REEP1: variants seen among roughly 807,000 people sequenced by gnomAD.
REEP1 encodes receptor accessory protein 1.
REEP1 carries 22 observed loss-of-function variants against 40.3 expected under a neutral mutation model. That is an observed-to-expected ratio of 0.55 (90% CI 0.39 to 0.78). The LOEUF is 0.78. Ranked by LOEUF, REEP1 falls within the 30% of genes least tolerant of loss-of-function variation. The pLI is 0.00. For synonymous variants in REEP1, 116 were observed against 139.2 expected (o/e 0.83, Z 1.17); for missense variants, 280 against 361.1 (o/e 0.78, Z 1.82).
intron 1 of REEP1, among the ~76,000 whole-genome samples, chr2:86,294,786 C>T (rs1446150223): frequency 6.7e-6 from 1 of 149,678 alleles, no homozygotes; most frequent in Non-Finnish European, 1.5e-5. Context: ...TAACTTGTTC[C>T]AGAAAGGATC....
chr2:86,216,874 A>G lies in REEP1; in HGVS notation c.*165T>C, dbSNP rs759859608. 1.0e-5 allele frequency: 6 copies of G among 597,102 alleles called. No homozygotes were observed. The highest frequency in any genetic ancestry group is 1.2e-5 in the Non-Finnish European group (4 of 339,830). 37.0% of individuals were successfully genotyped at this position (597,102 alleles called of 1,614,324 possible). The stretch of plus-strand genomic sequence containing the variant: ...CCCCAGCAAAATAAAGAAAAGGGGG[A>G]AAAAAATAAATCCTTAAAAGTGGAA... On this transcript the variant is annotated 3_prime_UTR_variant, in exon 9 of 9. Transcript: ENST00000538924.
chr2:86,303,223 T>C (rs1679335215), intron 1 of REEP1, among the ~76,000 whole-genome samples: 1 of 144,948 alleles, frequency 6.9e-6, no homozygotes, highest in Non-Finnish European at 1.5e-5. Context: ...TTTTTTTTTT[T>C]TTTTTTTTTT....
At chr2:86,249,355 G>A (rs554409738) in intron 5 of REEP1, among the ~76,000 whole-genome samples, 3 of 151,856 alleles carry the variant, frequency 2.0e-5, no homozygotes, top group East Asian at 3.9e-4. Context: ...CCCCCTCCCC[G>A]CTGCCCGGTT....
At chr2:86,332,114 G>T (rs1680796770) in intron 1 of REEP1, among the ~76,000 whole-genome samples, 1 of 152,058 alleles carries the variant, frequency 6.6e-6, no homozygotes, top group African/African-American at 2.4e-5. Flanking sequence ...TGAAAATAAT[G>T]TGCTTCTGTA....
At chr2:86,229,598 CTTTTTTTTTTTTTT>C (rs70956106) in intron 6 of REEP1, among the ~76,000 whole-genome samples, 1 of 114,442 alleles carries the variant, frequency 8.7e-6, no homozygotes, top group Non-Finnish European at 1.7e-5. Flanking sequence ...ACCTGTCTTC[CTTTTTTTTTTTTTT>C]TTTTTTTTTT....
At chr2:86,319,545 A>C (rs990519103) in intron 1 of REEP1, among the ~76,000 whole-genome samples, 4 of 152,128 alleles carry the variant, frequency 2.6e-5, no homozygotes, top group African/African-American at 9.7e-5. Context: ...AAATACAAAA[A>C]TTAGCTGGGC....
chr2:86,303,976 T>C (rs1292549315), intron 1 of REEP1, among the ~76,000 whole-genome samples: 2 of 151,924 alleles, frequency 1.3e-5, no homozygotes, highest in Non-Finnish European at 2.9e-5. Flanking sequence ...GCTAGGCTGG[T>C]GACTGAAAAT....
At chr2:86,251,588 C>G (rs1558889223) in intron 5 of REEP1, 2 of 336,888 alleles carry the variant, frequency 5.9e-6, no homozygotes, top group Non-Finnish European at 1.2e-5. Context: ...GAGAAGCACT[C>G]TCTCCCTCTC....
At chr2:86,332,197 A>G (rs1360429726) in intron 1 of REEP1, among the ~76,000 whole-genome samples, 1 of 152,046 alleles carries the variant, frequency 6.6e-6, no homozygotes, top group Non-Finnish European at 1.5e-5. Flanking sequence ...GTTCCTCAAG[A>G]ATCCCAATTC....
chr2:86,292,799 G>A (rs1332126711), intron 1 of REEP1, among the ~76,000 whole-genome samples: 2 of 152,176 alleles, frequency 1.3e-5, no homozygotes, highest in African/African-American at 4.8e-5. Flanking sequence ...TATCTGTGGG[G>A]TTTTCTGGGG....
At chr2:86,221,668 T>TG (rs1045719867) in intron 7 of REEP1, among the ~76,000 whole-genome samples, 5 of 152,168 alleles carry the variant, frequency 3.3e-5, no homozygotes, top group African/African-American at 1.2e-4. Flanking sequence ...ATCCTGAGAC[T>TG]GGGGGGCCAT....
intron 1 of REEP1, among the ~76,000 whole-genome samples, chr2:86,318,855 C>T (rs183732520): frequency 2.0e-4 from 30 of 152,182 alleles, no homozygotes; most frequent in East Asian, 5.8e-4. Context: ...AAAGATGGAG[C>T]GGATGTGCCA....
rs544099237 is a variant in REEP1 at position 86,337,544 on chromosome 2, G to GCGGCT, written c.-39_-35dup. On this transcript the variant is annotated 5_prime_UTR_variant, in exon 1 of 9. Transcript: ENST00000538924. The surrounding 1 kb of genome is among the most constrained non-coding windows in gnomAD (Gnocchi z 5.8). ...GGCGGGCGGGCGAGGCCCGGGCGGC[G>GCGGCT]CGGCTCGGCTAGGCTGCGGGCGGCG... 8.7e-3 allele frequency: 10,812 copies of GCGGCT among 1,236,372 alleles called. 759 individuals carry two copies. In the African/African-American group the frequency reaches 0.15, roughly 17 times the overall value. 76.6% of individuals were successfully genotyped at this position (1,236,372 alleles called of 1,614,324 possible). A position where few individuals can be genotyped will look rare whatever the true frequency, so the allele number is the denominator to read the frequency against.
intron 2 of REEP1, among the ~76,000 whole-genome samples, chr2:86,280,783 C>G (rs982020850): frequency 6.6e-6 from 1 of 151,712 alleles, no homozygotes; most frequent in Admixed American, 6.6e-5. Context: ...TGGGAGATTG[C>G]GGGGTGGGGT....
chr2:86,219,725 C>T (rs1439707455), intron 8 of REEP1, among the ~76,000 whole-genome samples: 6 of 152,144 alleles, frequency 3.9e-5, no homozygotes, highest in Non-Finnish European at 7.4e-5. Context: ...GGATTACAGG[C>T]ATAAGCCACT....
At chr2:86,299,493 C>G (rs1291574793) in intron 1 of REEP1, among the ~76,000 whole-genome samples, 1 of 152,176 alleles carries the variant, frequency 6.6e-6, no homozygotes, top group Admixed American at 6.5e-5. Flanking sequence ...TTTATAAAAC[C>G]TTTTCCTGAG....
chr2:86,252,407 G>A (rs537337173), intron 4 of REEP1, among the ~76,000 whole-genome samples: 5 of 152,268 alleles, frequency 3.3e-5, no homozygotes, highest in African/African-American at 1.2e-4. Flanking sequence ...GACACTGAAA[G>A]CACCCAGGGT....
Position 86,320,025 on chromosome 2 carries a change from A to C in REEP1, c.32+17454T>G, listed in dbSNP as rs1680209408. On this transcript the variant is annotated intron_variant, in intron 1 of 8. Coordinates refer to ENST00000538924, the MANE Select transcript of REEP1 (RefSeq NM_001371279.1). ...GACTTCTAGTCTGCAGAACTGTGAG[A>C]GAATAAATTTTTGTCAGTTTAAGCC... Among the ~76,000 whole-genome samples the C allele has an allele frequency of 2.0e-5, 3 of 152,238 alleles. 1 individual carries two copies. In the South Asian group the frequency reaches 6.2e-4, roughly 32 times the overall value.
intron 5 of REEP1, among the ~76,000 whole-genome samples, chr2:86,233,072 G>A (rs1056956877): frequency 4.6e-5 from 7 of 152,156 alleles, no homozygotes; most frequent in African/African-American, 7.2e-5. Context: ...ACGATGATAC[G>A]ATGATGATCC....
Sources: gnomAD v4.1 joint callset for allele counts (sites outside exome capture counted in the v4.1 genomes callset) on GRCh38, gnomAD v4.1.1 for gene constraint, Gnocchi (gnomAD v3.1) non-coding constraint, MANE v1.5 for transcripts, NCBI Gene and HGNC (gene_info 2026-07-23, HGNC 2026-07-21) for gene names.